LRRIQ3: variants seen among roughly 807,000 people sequenced by gnomAD.
LRRIQ3 encodes leucine rich repeats and IQ motif containing 3.
Under a neutral mutation model 59.3 loss-of-function variants are expected in LRRIQ3, and 75 were observed. That is an observed-to-expected ratio of 1.26 (90% CI 1.05 to 1.53). The LOEUF is 1.53. LRRIQ3 is among the 40% of genes most tolerant of loss of function. LRRIQ3 has a pLI of 0.00. For missense variants in LRRIQ3, 831 were observed against 710.0 expected, an observed-to-expected ratio of 1.17 and a Z score of -1.94; for synonymous variants, 250 against 231.3, an observed-to-expected ratio of 1.08 and a Z score of -0.73.
intron 5 of LRRIQ3, among the ~76,000 whole-genome samples, chr1:74,101,295 GAC>G (rs1246876926): frequency 2.0e-5 from 3 of 152,058 alleles, no homozygotes; most frequent in African/African-American, 7.2e-5. Flanking sequence ...GCAGCCAATA[GAC>G]ACATGAAAAA....
intron 4 of LRRIQ3, among the ~76,000 whole-genome samples, chr1:74,126,000 G>A (rs558783410): frequency 4.0e-5 from 6 of 151,832 alleles, no homozygotes; most frequent in Admixed American, 6.6e-5. Flanking sequence ...TCTTTGCTAG[G>A]AGACTTCCTA....
chr1:74,075,007 A>G (rs1646187343), intron 5 of LRRIQ3, among the ~76,000 whole-genome samples: 1 of 152,112 alleles, frequency 6.6e-6, no homozygotes, highest in African/African-American at 2.4e-5. Flanking sequence ...TACCTTGGCC[A>G]ATGCTGTGAG....
intron 5 of LRRIQ3, among the ~76,000 whole-genome samples, chr1:74,088,232 G>A (rs537196138): frequency 3.4e-4 from 51 of 152,058 alleles, no homozygotes; most frequent in Non-Finnish European, 6.2e-4. Context: ...CAAACATTTC[G>A]TAAGTTTTTT....
chr1:74,173,350 T>G (rs1333303153), intron 3 of LRRIQ3, among the ~76,000 whole-genome samples: 1 of 152,030 alleles, frequency 6.6e-6, no homozygotes, highest in African/African-American at 2.4e-5. Flanking sequence ...CTGGTGAGTT[T>G]AATCCATTTA....
chr1:74,052,888 A>G (rs555129228), intron 6 of LRRIQ3, among the ~76,000 whole-genome samples: 1 of 152,258 alleles, frequency 6.6e-6, no homozygotes, highest in Admixed American at 6.6e-5. Flanking sequence ...TTGATTTAAC[A>G]ATTTCCTTGT....
chr1:74,163,234 C>T (rs1241764641), intron 3 of LRRIQ3, among the ~76,000 whole-genome samples: 1 of 151,462 alleles, frequency 6.6e-6, no homozygotes, highest in Non-Finnish European at 1.5e-5. Context: ...AAAATCATAT[C>T]ATTTTTACCT....
At chr1:74,034,489 C>A (rs1262480819) in intron 7 of LRRIQ3, among the ~76,000 whole-genome samples, 1 of 151,966 alleles carries the variant, frequency 6.6e-6, no homozygotes. Context: ...GCCAGATATT[C>A]ATTTTACTGT....
intron 4 of LRRIQ3, among the ~76,000 whole-genome samples, chr1:74,127,354 T>C (rs144344221): frequency 7.4e-4 from 112 of 152,126 alleles, no homozygotes; most frequent in African/African-American, 2.5e-3. Context: ...AATGTTATTG[T>C]TGATAGGTAA....
intron 6 of LRRIQ3, among the ~76,000 whole-genome samples, chr1:74,059,874 G>C (rs1343200024): frequency 6.6e-6 from 1 of 151,940 alleles, no homozygotes; most frequent in Non-Finnish European, 1.5e-5. Flanking sequence ...CTTCAGTATA[G>C]AAGTCCTGTA....
intron 5 of LRRIQ3, among the ~76,000 whole-genome samples, chr1:74,093,833 T>C (rs887204212): frequency 1.3e-5 from 2 of 152,086 alleles, no homozygotes; most frequent in African/African-American, 4.8e-5. Flanking sequence ...TGCCAAATAC[T>C]TCCCTTCATG....
intron 4 of LRRIQ3, among the ~76,000 whole-genome samples, chr1:74,152,961 T>G (rs896337252): frequency 6.6e-6 from 1 of 152,178 alleles, no homozygotes; most frequent in Non-Finnish European, 1.5e-5. Context: ...CTCTTAATGT[T>G]TCATCTGTAA....
At chr1:74,084,187 G>T in intron 5 of LRRIQ3, 1 of 1,547,184 alleles carries the variant, frequency 6.5e-7, no homozygotes, top group Non-Finnish European at 8.7e-7. Context: ...GCCCACTTCA[G>T]TGAAAATTGA....
chr1:74,114,072 A>G (rs1646742689), intron 4 of LRRIQ3, among the ~76,000 whole-genome samples: 1 of 151,834 alleles, frequency 6.6e-6, no homozygotes. Context: ...TCTATAACAT[A>G]TAGAAACATA....
intron 4 of LRRIQ3, among the ~76,000 whole-genome samples, chr1:74,144,910 A>G (rs1258355381): frequency 6.6e-6 from 1 of 152,006 alleles, no homozygotes; most frequent in African/African-American, 2.4e-5. Flanking sequence ...TGAAAAATAA[A>G]TGCACATACA....
Position 74,132,693 on chromosome 1 carries a change from T to C in LRRIQ3, c.707+23040A>G, listed in dbSNP as rs553882024. Among the ~76,000 whole-genome samples the C allele has an allele frequency of 1.6e-3, 243 of 152,124 alleles. 1 individual carries two copies. The highest frequency in any genetic ancestry group is 9.7e-3 in the East Asian group (50 of 5,158). On this transcript the variant is annotated intron_variant, in intron 4 of 7. Coordinates refer to ENST00000354431, the MANE Select transcript of LRRIQ3 (RefSeq NM_001105659.2). ...AAGCTGAAACTGGATGCCTTCCTTA[T>C]ACCTTATACAAAAATTAATTCAAGA...
intron 5 of LRRIQ3, among the ~76,000 whole-genome samples, chr1:74,093,361 C>CG (rs1646414235): frequency 6.6e-6 from 1 of 152,080 alleles, no homozygotes; most frequent in Non-Finnish European, 1.5e-5. Context: ...AGAGTGTTTA[C>CG]TATTCCTATC....
chr1:74,030,271 A>C (rs1252134969), intron 7 of LRRIQ3, among the ~76,000 whole-genome samples: 1 of 152,138 alleles, frequency 6.6e-6, no homozygotes, highest in African/African-American at 2.4e-5. Flanking sequence ...TTTAAAGTTC[A>C]TATGGAACCA....
chr1:74,152,067 A>T (rs1283576387), intron 4 of LRRIQ3, among the ~76,000 whole-genome samples: 1 of 152,122 alleles, frequency 6.6e-6, no homozygotes, highest in African/African-American at 2.4e-5. Flanking sequence ...CAGAAAGTGA[A>T]CCTTATAAAA....
At chr1:74,186,130 G>A (rs1281515129) in intron 1 of LRRIQ3, among the ~76,000 whole-genome samples, 1 of 150,300 alleles carries the variant, frequency 6.7e-6, no homozygotes, top group Non-Finnish European at 1.5e-5. Flanking sequence ...TTCTCACATT[G>A]ATTATTCCAT....
Sources: allele counts gnomAD v4.1 joint callset (sites outside exome capture counted in the v4.1 genomes callset), GRCh38; gene constraint gnomAD v4.1.1; transcripts MANE v1.5; gene names NCBI Gene and HGNC (gene_info 2026-07-23, HGNC 2026-07-21).